The following TRMT10B variants were observed in gnomAD, a reference collection of about 807,000 sequenced individuals.
TRMT10B encodes tRNA methyltransferase 10 homolog B.
TRMT10B carries 33 observed loss-of-function variants against 43.8 expected under a neutral mutation model. That is an observed-to-expected ratio of 0.75 (90% CI 0.57 to 1.01). TRMT10B has a LOEUF of 1.01. Ranked by LOEUF, TRMT10B falls within the 50% of genes least tolerant of loss-of-function variation. TRMT10B has a pLI of 0.00. For synonymous variants in TRMT10B, 137 were observed against 130.6 expected (o/e 1.05, Z -0.34); for missense variants, 362 against 369.8 (o/e 0.98, Z 0.17).
At chr9:37,771,008 A>G (rs1268197198) in intron 7 of TRMT10B, among the ~76,000 whole-genome samples, 2 of 152,232 alleles carry the variant, frequency 1.3e-5, no homozygotes, top group Admixed American at 6.5e-5. Context: ...TTCTGCAAGG[A>G]TAACTCTGAT....
intron 7 of TRMT10B, among the ~76,000 whole-genome samples, chr9:37,773,274 ATTTTT>A (rs3076727): frequency 1.4e-5 from 2 of 144,828 alleles, no homozygotes; most frequent in Non-Finnish European, 3.0e-5. Context: ...TGGCCAGCTA[ATTTTT>A]TTTTTTTTTT....
chr9:37,762,493 A>G, intron 2 of TRMT10B, 84 bp from the exon 3 acceptor site: 5 of 1,497,354 alleles, frequency 3.3e-6, no homozygotes, highest in Non-Finnish European at 4.4e-6. Flanking sequence ...ATAAATAAGA[A>G]AAAAGCAAAT....
Position 37,777,944 on chromosome 9 carries a change from G to A in TRMT10B, c.*237G>A. On this transcript the variant is annotated 3_prime_UTR_variant, in exon 9 of 9. Transcript: ENST00000297994. ...CACTTGAACTCGGGAGGCGAAGGTT[G>A]CAGTGAGCCGAGATTTCACCAGTGC... 1 of 366,260 alleles carries A rather than the reference G, an allele frequency of 2.7e-6. No individual in the cohort carries two copies. 22.7% of individuals were successfully genotyped at this position (366,260 alleles called of 1,614,324 possible).
At chr9:37,759,297 TAAA>T (rs1304692956) in intron 1 of TRMT10B, among the ~76,000 whole-genome samples, 1 of 152,184 alleles carries the variant, frequency 6.6e-6, no homozygotes, top group Non-Finnish European at 1.5e-5. Context: ...TACTCAGCAA[TAAA>T]AAAGCAACTA....
At chr9:37,759,442 C>T (rs537218902) in intron 1 of TRMT10B, among the ~76,000 whole-genome samples, 2 of 152,254 alleles carry the variant, frequency 1.3e-5, no homozygotes, top group African/African-American at 4.8e-5. Flanking sequence ...ATGGTTATAG[C>T]AAAGAGAACA....
At chr9:37,761,363 T>C (rs1826304236) in intron 1 of TRMT10B, among the ~76,000 whole-genome samples, 1 of 152,190 alleles carries the variant, frequency 6.6e-6, no homozygotes, top group Admixed American at 6.5e-5. Flanking sequence ...TGGATAATCA[T>C]TGATTGCTTG....
intron 7 of TRMT10B, among the ~76,000 whole-genome samples, chr9:37,775,737 A>G (rs1032421701): frequency 1.3e-5 from 2 of 152,018 alleles, no homozygotes; most frequent in Non-Finnish European, 2.9e-5. Flanking sequence ...GGATCTCCCT[A>G]TGTTGCTCAG....
Position 37,772,766 on chromosome 9 carries a change from C to T in TRMT10B, c.720+2027C>T, listed in dbSNP as rs117554758. ...AGGGAGGCCCAAGGCAGGAGGATCA[C>T]TTGAGGCCAGGAGTTTGAGACCAGC... On this transcript the variant is annotated intron_variant, in intron 7 of 8. Transcript: ENST00000297994. Among the ~76,000 whole-genome samples the T allele has an allele frequency of 6.9e-3, 1,057 of 152,258 alleles. 13 individuals carry two copies. The highest frequency in any genetic ancestry group is 0.012 in the Non-Finnish European group (810 of 68,018).
intron 1 of TRMT10B, 50 bp from the exon 2 acceptor site, chr9:37,761,853 C>A: frequency 1.5e-6 from 2 of 1,301,806 alleles, no homozygotes; most frequent in Admixed American, 2.3e-5. Context: ...AGGGAGATAC[C>A]TATGTTAGTG....
chr9:37,766,545 T>C (rs1199025903), intron 4 of TRMT10B, among the ~76,000 whole-genome samples: 1 of 152,116 alleles, frequency 6.6e-6, no homozygotes, highest in Non-Finnish European at 1.5e-5. Flanking sequence ...TGGCTTAGGA[T>C]TGACTTGGCA....
At chr9:37,774,334 A>G (rs1392380142) in intron 7 of TRMT10B, among the ~76,000 whole-genome samples, 2 of 152,202 alleles carry the variant, frequency 1.3e-5, no homozygotes, top group Non-Finnish European at 2.9e-5. Flanking sequence ...TTAAGTTCAG[A>G]GGGTCAGTGA....
chr9:37,755,533 C>T (rs56037564), intron 1 of TRMT10B, among the ~76,000 whole-genome samples: 1 of 152,204 alleles, frequency 6.6e-6, no homozygotes, highest in African/African-American at 2.4e-5. Context: ...CCCTAGGTGG[C>T]AATCACCTAA....
intron 7 of TRMT10B, among the ~76,000 whole-genome samples, chr9:37,773,766 G>A (rs1051886658): frequency 2.0e-5 from 3 of 151,950 alleles, no homozygotes; most frequent in Admixed American, 6.6e-5. Flanking sequence ...CCAGGGAGGC[G>A]GAGGTTGCAG....
chr9:37,775,701 T>C (rs1015842207), intron 7 of TRMT10B, among the ~76,000 whole-genome samples: 4 of 149,196 alleles, frequency 2.7e-5, no homozygotes, highest in African/African-American at 9.8e-5. Flanking sequence ...ACCCTGTTAA[T>C]TTTTTTTTTG....
At chr9:37,762,382 C>A (rs1470939229) in intron 2 of TRMT10B, among the ~76,000 whole-genome samples, 195 bp from the exon 3 acceptor site, 1 of 152,098 alleles carries the variant, frequency 6.6e-6, no homozygotes, top group Non-Finnish European at 1.5e-5. Flanking sequence ...GTGACCTTGA[C>A]CAGGTCATGT....
At chr9:37,756,725 G>GATAGAT (rs1554674995) in intron 1 of TRMT10B, among the ~76,000 whole-genome samples, 21 of 147,114 alleles carry the variant, frequency 1.4e-4, no homozygotes, top group African/African-American at 5.0e-4. Context: ...ATCTCAAAAA[G>GATAGAT]ATATATATAT....
At chr9:37,777,194 CAAAAAAAAAAAAAAAAAAAAA>C (rs11306620) in intron 8 of TRMT10B, among the ~76,000 whole-genome samples, 10 of 29,984 alleles carry the variant, frequency 3.3e-4, no homozygotes, top group Admixed American at 6.5e-4. Flanking sequence ...AACTCCGCCT[CAAAAAAAAAAAAAAAAAAAAA>C]AAAAAAAAAA....
intron 1 of TRMT10B, among the ~76,000 whole-genome samples, chr9:37,754,369 A>G (rs920581909): frequency 6.6e-6 from 1 of 152,194 alleles, no homozygotes; most frequent in Admixed American, 6.5e-5. Flanking sequence ...GCGAATGTAA[A>G]GGCCTTGAAG....
In TRMT10B at chr9:37,762,017, A is replaced by C. The variant is rs1420209068; in HGVS notation, c.86A>C (p.Glu29Ala). The part of the protein sequence containing the change: ...GQEGILEETG[E>A]DGLPEGFQLL... ...GAAGGCATCCTAGAGGAGACAGGTGAAGATGGACTTCCTGAAGGCTTCCAG... is the reference window on the plus strand; with the variant it reads ...GAAGGCATCCTAGAGGAGACAGGTGCAGATGGACTTCCTGAAGGCTTCCAG... Residue 29 changes from glutamate to alanine, a missense_variant, in exon 2 of 9, where the codon GAA becomes GCA. Glu to Ala is a moderately radical substitution (Grantham distance 107). Transcript: ENST00000297994. 2 of 1,613,980 alleles carry C rather than the reference A, an allele frequency of 1.2e-6. No homozygotes were observed. The highest frequency in any genetic ancestry group is 2.7e-5 in the African/African-American group (2 of 74,904).
Sources: gnomAD v4.1 joint callset for allele counts (sites outside exome capture counted in the v4.1 genomes callset) on GRCh38, gnomAD v4.1.1 for gene constraint, MANE v1.5 for transcripts, NCBI Gene and HGNC (gene_info 2026-07-23, HGNC 2026-07-21) for gene names.